RASEF: variants seen among roughly 807,000 people sequenced by gnomAD.
The protein encoded by RASEF is RAS and EF-hand domain containing, also known as ras and EF-hand domain-containing protein.
In RASEF, 68 loss-of-function variants were observed where a neutral mutation model predicts 90.1. The ratio of observed to expected loss-of-function variants is 0.75; its 90% CI spans 0.62 to 0.92. RASEF has a LOEUF of 0.92. Ranked by LOEUF, RASEF falls within the 40% of genes least tolerant of loss-of-function variation. The pLI, the probability that RASEF is intolerant of heterozygous loss-of-function variation, is 0.00. For missense variants in RASEF, 949 were observed against 937.2 expected (o/e 1.01, Z -0.16); for synonymous variants, 331 against 345.2 (o/e 0.96, Z 0.46).
the RASEF span, chr9:83,202,103 A>G: frequency 2.0e-5 from 3 of 146,490 alleles, no homozygotes; most frequent in African/African-American, 2.5e-5. Context: ...ATGCCCACCA[A>G]TAAATCCTAC....
chr9:83,139,776 T>A, the RASEF span, among the ~76,000 whole-genome samples: 1 of 152,162 alleles, frequency 6.6e-6, no homozygotes, highest in Non-Finnish European at 1.5e-5. Context: ...ATGCTAAAAA[T>A]CTTAAGGGTC....
At chr9:83,074,805 T>C in the RASEF span, among the ~76,000 whole-genome samples, 120 of 152,328 alleles carry the variant, frequency 7.9e-4, 2 homozygotes, top group Non-Finnish European at 6.6e-4. Flanking sequence ...TCATGTATTC[T>C]CATAGCACAA....
chr9:82,987,193 T>A (rs4623517), intron 16 of RASEF, among the ~76,000 whole-genome samples: 69,052 of 151,988 alleles, frequency 0.45, 16,596 homozygotes, highest in East Asian at 0.77. Context: ...CATTTAAGGG[T>A]TGAGTACTTT....
the RASEF span, among the ~76,000 whole-genome samples, chr9:83,085,317 T>C: frequency 6.6e-6 from 1 of 152,210 alleles, no homozygotes; most frequent in Non-Finnish European, 1.5e-5. Context: ...GTCCATGACA[T>C]GAAATCATTC....
intron 1 of RASEF, among the ~76,000 whole-genome samples, chr9:83,045,010 C>G (rs879733830): frequency 1.3e-5 from 2 of 152,222 alleles, no homozygotes; most frequent in Non-Finnish European, 2.9e-5. Context: ...GGGTCTCCAG[C>G]CTGCCATCCT....
chr9:83,025,777 C>T lies in RASEF; in HGVS notation c.576G>A (p.Lys192=). Residue 192 remains lysine (K), a splice_region_variant and synonymous_variant, in exon 2 of 17, where the codon AAG becomes AAA. Coordinates refer to ENST00000376447, the MANE Select transcript of RASEF (RefSeq NM_152573.4). ...TEMENLAIAV[K]RAQDKAAMQL... ...TTATAAAGGAAGGACTTCAATACCT[C>T]TTCACCGCAATGGCCAAATTTTCCA... 1 of 1,613,428 alleles carries T rather than the reference C, an allele frequency of 6.2e-7. No homozygotes were observed. Among genetic ancestry groups the T allele is most frequent in the Non-Finnish European group, 8.5e-7 (1 of 1,179,802 alleles).
chr9:82,985,967 G>A (rs559208212), intron 16 of RASEF, among the ~76,000 whole-genome samples: 6 of 152,244 alleles, frequency 3.9e-5, no homozygotes, highest in South Asian at 4.1e-4. Context: ...TGGCGTTTCC[G>A]GTGGGGGTTC....
At chr9:83,202,627 C>T in the RASEF span, among the ~76,000 whole-genome samples, 1 of 152,118 alleles carries the variant, frequency 6.6e-6, no homozygotes, top group Non-Finnish European at 1.5e-5. Context: ...AGGTGCCCGC[C>T]ACTATGCTTG....
At chr9:83,061,011 C>T (rs1392519618) in intron 1 of RASEF, among the ~76,000 whole-genome samples, 1 of 152,104 alleles carries the variant, frequency 6.6e-6, no homozygotes, top group South Asian at 2.1e-4. Flanking sequence ...AAAACAGATC[C>T]ACATGTATGC....
intron 1 of RASEF, among the ~76,000 whole-genome samples, chr9:83,041,549 A>T (rs1193296786): frequency 1.3e-5 from 2 of 152,190 alleles, no homozygotes; most frequent in African/African-American, 4.8e-5. Context: ...TGACATCTCT[A>T]ATTTGACATT....
intron 1 of RASEF, among the ~76,000 whole-genome samples, chr9:83,035,281 C>T (rs1282368688): frequency 6.6e-6 from 1 of 152,182 alleles, no homozygotes; most frequent in Non-Finnish European, 1.5e-5. Context: ...GCAGCCTAGA[C>T]AATGCATAAA....
chr9:83,078,015 G>C, the RASEF span, among the ~76,000 whole-genome samples: 1 of 152,266 alleles, frequency 6.6e-6, no homozygotes, highest in African/African-American at 2.4e-5. Context: ...AGGGATCTCT[G>C]TATAACCTCA....
At chr9:83,067,658 TAATGTTTCA>T (rs1452606228), upstream of RASEF, among the ~76,000 whole-genome samples, 1 of 152,210 alleles carries the variant, frequency 6.6e-6, no homozygotes, top group Non-Finnish European at 1.5e-5. Flanking sequence ...TAAGTATCTG[TAATGTTTCA>T]AACAATATCA....
chr9:83,062,234 T>G (rs1007060750), intron 1 of RASEF, among the ~76,000 whole-genome samples: 1 of 152,070 alleles, frequency 6.6e-6, no homozygotes, highest in African/African-American at 2.4e-5. Flanking sequence ...CGTAAAACTT[T>G]CTCCCCAAAC....
chr9:83,002,450 CGTGTGT>C, intron 9 of RASEF, among the ~76,000 whole-genome samples: 1 of 151,120 alleles, frequency 6.6e-6, no homozygotes, highest in Non-Finnish European at 1.5e-5. Context: ...TGCATGTGTG[CGTGTGT>C]GTGTTAATAT....
In RASEF at chr9:83,063,133, T is replaced by TCCTGCGACTGAGCGCCC. The variant is rs1830248476; in HGVS notation, c.-267_-266insGGGCGCTCAGTCGCAGG. 1 of 435,078 alleles carries TCCTGCGACTGAGCGCCC rather than the reference T, an allele frequency of 2.3e-6. No individual in the cohort carries two copies. Among genetic ancestry groups the TCCTGCGACTGAGCGCCC allele is most frequent in the Admixed American group, 4.5e-5 (1 of 22,044 alleles). The allele number at this position is 435,078 out of a possible 1,614,324, so 27.0% of individuals were successfully genotyped here. On this transcript the variant is annotated 5_prime_UTR_variant, in exon 1 of 17. Coordinates refer to ENST00000376447, the MANE Select transcript of RASEF (RefSeq NM_152573.4). ...GCTCCAGGCACCGCCAAGGAGCGCC[T>TCCTGCGACTGAGCGCCC]CCTGCGACTGAGCGCCCAAGCGCCG...
chr9:83,102,698 C>T, the RASEF span, among the ~76,000 whole-genome samples: 1 of 152,122 alleles, frequency 6.6e-6, no homozygotes, highest in Non-Finnish European at 1.5e-5. Context: ...ATGGGAGAGG[C>T]AGGGTAAGCA....
At chr9:83,016,023 G>T in intron 3 of RASEF, 123 bp from the exon 4 acceptor site, 1 of 684,688 alleles carries the variant, frequency 1.5e-6, no homozygotes, top group Non-Finnish European at 2.5e-6. Flanking sequence ...ACACAGGGAA[G>T]GTGAGAAAGG....
chr9:83,090,885 G>T, the RASEF span, among the ~76,000 whole-genome samples: 1 of 151,730 alleles, frequency 6.6e-6, no homozygotes, highest in Non-Finnish European at 1.5e-5. Context: ...TTATTATTAT[G>T]ATCTTATTAT....
Sources: gnomAD v4.1 joint callset for allele counts (sites outside exome capture counted in the v4.1 genomes callset) on GRCh38, gnomAD v4.1.1 for gene constraint, MANE v1.5 for transcripts, NCBI Gene and HGNC (gene_info 2026-07-23, HGNC 2026-07-21) for gene names.